Variants in PGAP2 observed in about 807,000 individuals in gnomAD.
PGAP2 encodes post-GPI attachment to proteins 2, also known as acyltransferase PGAP2.
A neutral mutation model predicts 33.2 loss-of-function variants in PGAP2; 21 were observed. The ratio of observed to expected loss-of-function variants is 0.63; its 90% confidence interval spans 0.45 to 0.91. PGAP2 has a LOEUF of 0.91. Among genes scored for constraint, PGAP2 ranks in the 40% least tolerant of loss-of-function variants. The pLI is 0.00. For synonymous variants in PGAP2, 161 were observed against 172.9 expected, an observed-to-expected ratio of 0.93 and a Z score of 0.54; for missense variants, 345 against 424.0, an observed-to-expected ratio of 0.81 and a Z score of 1.64.
intron 1 of PGAP2, among the ~76,000 whole-genome samples, chr11:3,809,339 A>C (rs530123476): frequency 6.6e-6 from 1 of 152,374 alleles, no homozygotes; most frequent in East Asian, 1.9e-4. Flanking sequence ...GAAGGACCTT[A>C]GAGGTAATCT....
At chr11:3,807,102 A>G (rs138032574), upstream of PGAP2, among the ~76,000 whole-genome samples, 4,101 of 151,476 alleles carry the variant, frequency 0.027, 190 homozygotes, top group African/African-American at 0.093. Flanking sequence ...TTGGGAAGCC[A>G]AGGCGGGGGC....
In PGAP2 at chr11:3,811,423, G is replaced by C; in HGVS notation, c.164G>C (p.Gly55Ala). 1.2e-6 allele frequency: 2 copies of C among 1,613,544 alleles called. No individual in the cohort carries two copies. Among genetic ancestry groups the C allele is most frequent in the South Asian group, 1.1e-5 (1 of 91,044 alleles). The change falls in exon 2 of 7, where the codon GGG (glycine) becomes GCG (alanine). Residue 55 changes from glycine to alanine, a missense_variant and splice_region_variant. By Grantham distance (60) the Gly-to-Ala change is moderately conservative. Transcript: ENST00000278243. The surrounding 1 kb of genome is among the most constrained non-coding windows in gnomAD (Gnocchi z 4.6). ...HFKETTATHCGATPCRMFSAA... is the reference protein window; with the variant it reads ...HFKETTATHCAATPCRMFSAA... ...AAGGAGACAACGGCCACACACTGTGGGGTAGGGCATGGGGACACTGATACC... is the reference window on the plus strand; with the variant it reads ...AAGGAGACAACGGCCACACACTGTGCGGTAGGGCATGGGGACACTGATACC...
intron 1 of PGAP2, among the ~76,000 whole-genome samples, chr11:3,799,126 T>C (rs187650181): frequency 1.6e-4 from 24 of 152,360 alleles, no homozygotes; most frequent in African/African-American, 5.3e-4. Context: ...TGGAAGTCCT[T>C]CTGGGGCCTA....
upstream of PGAP2, chr11:3,808,197 G>C: frequency 6.7e-7 from 1 of 1,494,586 alleles, no homozygotes; most frequent in Non-Finnish European, 9.1e-7. Flanking sequence ...GGGCGAGGCT[G>C]GATAGTTCGG....
rs182749882 is a variant in PGAP2 at position 3,825,851 on chromosome 11, C to T, written c.*393C>T. ...TGACAACCACAGCCATTTCTCTGCACGGGGGTCATTCATAGGACTAATGTA... is the reference window on the plus strand; with the variant it reads ...TGACAACCACAGCCATTTCTCTGCATGGGGGTCATTCATAGGACTAATGTA... On this transcript the variant is annotated 3_prime_UTR_variant, in exon 7 of 7. Transcript: ENST00000278243. 83 of 197,264 alleles carry T rather than the reference C, an allele frequency of 4.2e-4. No individual in the cohort carries two copies. The highest frequency in any genetic ancestry group is 1.8e-3 in the African/African-American group (76 of 43,080). The allele number at this position is 197,264 out of a possible 1,614,324, so 12.2% of individuals were successfully genotyped here.
chr11:3,807,043 G>GA (rs527407082), upstream of PGAP2, among the ~76,000 whole-genome samples: 1,154 of 139,186 alleles, frequency 8.3e-3, 12 homozygotes, highest in African/African-American at 0.028. Context: ...GAGAAAGAAA[G>GA]AAAAAAAAAA....
chr11:3,799,713 T>C (rs1316628937), intron 1 of PGAP2, among the ~76,000 whole-genome samples: 1 of 152,160 alleles, frequency 6.6e-6, no homozygotes, highest in African/African-American at 2.4e-5. Context: ...CTCACGCCTG[T>C]AATCCCAGCA....
intron 3 of PGAP2, among the ~76,000 whole-genome samples, chr11:3,819,663 C>T (rs1377797859): frequency 1.3e-5 from 2 of 151,900 alleles, no homozygotes; most frequent in Non-Finnish European, 2.9e-5. Flanking sequence ...AGGGCTTATC[C>T]TCCCGTCTCT....
chr11:3,814,151 C>T (rs554175458), intron 2 of PGAP2, among the ~76,000 whole-genome samples: 1 of 152,334 alleles, frequency 6.6e-6, no homozygotes, highest in East Asian at 1.9e-4. Context: ...TAATTGATTA[C>T]TTTGCCTCTG....
upstream of PGAP2, among the ~76,000 whole-genome samples, chr11:3,806,828 C>A (rs2084426455): frequency 6.6e-6 from 1 of 152,080 alleles, no homozygotes; most frequent in Non-Finnish European, 1.5e-5. Flanking sequence ...TCGAGACCAG[C>A]CTGACCAATA....
intron 2 of PGAP2, 77 bp from the exon 3 acceptor site, chr11:3,817,276 C>T (rs2087259469): frequency 1.8e-6 from 2 of 1,100,074 alleles, no homozygotes; most frequent in African/African-American, 3.1e-5. Context: ...TCTGAGGAGC[C>T]ATCTCTGGAA....
At chr11:3,804,842 C>T (rs913675908), upstream of PGAP2, among the ~76,000 whole-genome samples, 1 of 152,134 alleles carries the variant, frequency 6.6e-6, no homozygotes, top group African/African-American at 2.4e-5. Flanking sequence ...GCTGGGATTA[C>T]AGGCGCCCGC....
Position 3,825,089 on chromosome 11 carries a change from G to A in PGAP2, c.778G>A (p.Ala260Thr), listed in dbSNP as rs1191139426. The change falls in exon 6 of 7, where the codon GCT becomes ACT. Residue 260 changes from alanine (A) to threonine (T), a missense_variant. Coordinates refer to ENST00000278243, the MANE Select transcript of PGAP2 (RefSeq NM_014489.4). Reference protein sequence around the residue: ...INFISFFSALAVYFRHNMYCE... With the variant: ...INFISFFSALTVYFRHNMYCE... ...CTTCATCTCCTTCTTCTCGGCGCTG[G>A]CTGTCTACTTTCGGCACAACATGTA... 6.2e-7 allele frequency: 1 copy of A among 1,614,192 alleles called. No individual in the cohort carries two copies. Among genetic ancestry groups the A allele is most frequent in the Non-Finnish European group, 8.5e-7 (1 of 1,180,034 alleles).
intron 2 of PGAP2, among the ~76,000 whole-genome samples, chr11:3,813,881 G>C (rs1215070507): frequency 7.9e-5 from 12 of 152,158 alleles, no homozygotes; most frequent in Non-Finnish European, 1.8e-4. Flanking sequence ...TATTAGCTAG[G>C]TTATTGCATA....
chr11:3,814,471 C>T (rs1228905383), intron 2 of PGAP2, among the ~76,000 whole-genome samples: 1 of 152,000 alleles, frequency 6.6e-6, no homozygotes, highest in Non-Finnish European at 1.5e-5. Context: ...TGGCCAGGCT[C>T]GTCTCGAACT....
At chr11:3,825,208 T>C in intron 6 of PGAP2, 80 bp downstream of exon 6, 18 of 1,562,428 alleles carry the variant, frequency 1.2e-5, no homozygotes, top group Non-Finnish European at 1.4e-5. Flanking sequence ...GGCAATGGTC[T>C]TGGGGACTGG....
At chr11:3,804,850 C>A (rs562501738), upstream of PGAP2, among the ~76,000 whole-genome samples, 3 of 151,900 alleles carry the variant, frequency 2.0e-5, no homozygotes, top group Non-Finnish European at 4.4e-5. Flanking sequence ...TACAGGCGCC[C>A]GCCACCAGGC....
upstream of PGAP2, among the ~76,000 whole-genome samples, chr11:3,806,618 T>C (rs2084388306): frequency 6.6e-6 from 1 of 152,156 alleles, no homozygotes; most frequent in Non-Finnish European, 1.5e-5. Context: ...TAACAGCATA[T>C]AGTGGATTAT....
Position 3,825,036 on chromosome 11 carries a change from G to C in PGAP2, c.725G>C (p.Ser242Thr), listed in dbSNP as rs148137953. Residue 242 changes from serine to threonine, a missense_variant, in exon 6 of 7, where the codon AGC becomes ACC. This residue lies in a region of PGAP2 where 311 missense variants were observed against 353.6 expected (regional missense o/e 0.88). Coordinates refer to ENST00000278243, the MANE Select transcript of PGAP2 (RefSeq NM_014489.4). ...ATTCCCTAGGATCGCAAGTCCTACA[G>C]CTGGAAACAGCGGCTCTTCATCATC... ...TVSQEDRKSYSWKQRLFIINF... is the reference protein window; with the variant it reads ...TVSQEDRKSYTWKQRLFIINF... 1.3e-4 allele frequency: 212 copies of C among 1,614,204 alleles called. No individual in the cohort carries two copies. The highest frequency in any genetic ancestry group is 1.7e-4 in the Non-Finnish European group (201 of 1,180,038).
Sources: gnomAD v4.1 joint callset for allele counts (sites outside exome capture counted in the v4.1 genomes callset) on GRCh38, gnomAD v4.1.1 for gene constraint, gnomAD v4.1.1 regional missense constraint, Gnocchi (gnomAD v3.1) non-coding constraint, MANE v1.5 for transcripts, NCBI Gene and HGNC (gene_info 2026-07-23, HGNC 2026-07-21) for gene names.